Variants in KCNQ1 observed in about 807,000 individuals in gnomAD.
The protein encoded by KCNQ1 is potassium voltage-gated channel subfamily Q member 1, also known as potassium voltage-gated channel subfamily KQT member 1.
A neutral mutation model predicts 72.4 loss-of-function variants in KCNQ1; 49 were observed. The observed-to-expected ratio is 0.68, with a 90% CI of 0.54 to 0.86. The LOEUF is 0.86. KCNQ1 is among the 40% of genes least tolerant of loss of function. The probability of loss-of-function intolerance (pLI) is 0.00; values close to 1 mark genes in which losing one functional copy is unlikely to be tolerated. For synonymous variants in KCNQ1, 450 were observed against 412.6 expected (o/e 1.09, Z -1.10); for missense variants, 790 against 945.1 (o/e 0.84, Z 2.15).
At chr11:2,800,104 G>A (rs530477682) in intron 15 of KCNQ1, among the ~76,000 whole-genome samples, 89 of 152,302 alleles carry the variant, frequency 5.8e-4, no homozygotes, top group Admixed American at 2.2e-3. Flanking sequence ...AGATGCAGAC[G>A]TCCACAGTTC....
chr11:2,497,426 C>T lies in KCNQ1; in HGVS notation c.387-30502C>T, dbSNP rs1478100342. Among the ~76,000 whole-genome samples, 1 of 152,094 alleles carries T rather than the reference C, an allele frequency of 6.6e-6. No individual in the cohort carries two copies. The highest frequency in any genetic ancestry group is 2.4e-5 in the African/African-American group (1 of 41,426). On this transcript the variant is annotated intron_variant, in intron 1 of 15. Transcript: ENST00000155840. The surrounding 1 kb of genome is among the most constrained non-coding windows in gnomAD (Gnocchi z 4.5). ...TTATTTCGTTAAGTTGATCTTCAAT[C>T]TCTGATATCCTTTCTTCCACTTGAT...
Position 2,677,302 on chromosome 11 carries a change from C to A in KCNQ1, c.1514+15221C>A, listed in dbSNP as rs1467340805. ...ATCTTGTCAAAATAGGAGATTTCATCAAGTTAAAGAAAATGATGTCAAATG... is the reference window on the plus strand; with the variant it reads ...ATCTTGTCAAAATAGGAGATTTCATAAAGTTAAAGAAAATGATGTCAAATG... On this transcript the variant is annotated intron_variant, in intron 11 of 15. Transcript: ENST00000155840. This position sits in a 1 kb window ranked among gnomAD's most constrained non-coding sequence, Gnocchi z 4.5. The A allele has an allele frequency of 2.5e-6, 1 of 398,434 alleles. No individual in the cohort carries two copies. Among genetic ancestry groups the A allele is most frequent in the Non-Finnish European group, 4.4e-6 (1 of 226,056 alleles). The allele number at this position is 398,434 out of a possible 1,614,324, so 24.7% of individuals were successfully genotyped here.
chr11:2,577,439 C>T (rs766761192), intron 6 of KCNQ1, among the ~76,000 whole-genome samples: 1 of 152,216 alleles, frequency 6.6e-6, no homozygotes, highest in Non-Finnish European at 1.5e-5. Flanking sequence ...GGCGCTGAGC[C>T]TGGCTGTACC....
At position 2,477,939 on chromosome 11, in the gene KCNQ1, A is replaced by G. The variant is rs1479315042; in HGVS notation, c.386+32455A>G. Among the ~76,000 whole-genome samples the G allele has an allele frequency of 1.3e-5, 2 of 152,186 alleles. No individual in the cohort carries two copies. Among genetic ancestry groups the G allele is most frequent in the East Asian group, 3.8e-4 (2 of 5,198 alleles). The stretch of plus-strand genomic sequence containing the variant: ...AACCCCGTGGCAGGGGCAGGGGTTC[A>G]AAGAGCTGGTGGTTGTAGTCTCAGT... On this transcript the variant is annotated intron_variant, in intron 1 of 15. Coordinates refer to ENST00000155840, the MANE Select transcript of KCNQ1 (RefSeq NM_000218.3). This position sits in a 1 kb window ranked among gnomAD's most constrained non-coding sequence, Gnocchi z 5.0.
chr11:2,519,367 A>G (rs188532248), intron 1 of KCNQ1, among the ~76,000 whole-genome samples: 1 of 152,342 alleles, frequency 6.6e-6, no homozygotes, highest in East Asian at 1.9e-4. Context: ...TTTTTAAAAG[A>G]ATTTTTTCAG....
intron 15 of KCNQ1, chr11:2,840,181 G>A (rs1848177605): frequency 6.8e-6 from 1 of 146,524 alleles, no homozygotes; most frequent in Non-Finnish European, 1.5e-5. Context: ...GTAAAGTAAG[G>A]AAGAGAAAAG....
rs1850151581 is a variant in KCNQ1 at position 2,669,996 on chromosome 11, G to C, written c.1514+7915G>C. On this transcript the variant is annotated intron_variant, in intron 11 of 15. Coordinates refer to ENST00000155840, the MANE Select transcript of KCNQ1 (RefSeq NM_000218.3). The surrounding 1 kb of genome is among the most constrained non-coding windows in gnomAD (Gnocchi z 5.6). The stretch of plus-strand genomic sequence containing the variant: ...AGTCACAACCTCAAATCTCGGAATG[G>C]GGTTCAGGAGCTGTTGGGGTCCCGT... The C allele has an allele frequency of 2.5e-6, 1 of 398,548 alleles. No individual in the cohort carries two copies. Among genetic ancestry groups the C allele is most frequent in the Non-Finnish European group, 4.4e-6 (1 of 226,144 alleles). 24.7% of individuals were successfully genotyped at this position (398,548 alleles called of 1,614,324 possible). A position where few individuals can be genotyped will look rare whatever the true frequency, so the allele number is the denominator to read the frequency against.
intron 12 of KCNQ1, among the ~76,000 whole-genome samples, chr11:2,774,833 T>C (rs1284046579): frequency 6.6e-6 from 1 of 152,128 alleles, no homozygotes; most frequent in Non-Finnish European, 1.5e-5. Context: ...AGGGAGGGCA[T>C]GTTCCCAGAC....
At chr11:2,825,601 T>C (rs1169040504) in intron 15 of KCNQ1, among the ~76,000 whole-genome samples, 1 of 152,244 alleles carries the variant, frequency 6.6e-6, no homozygotes, top group African/African-American at 2.4e-5. Context: ...ATGTCTGCTA[T>C]GTACTAGACT....
chr11:2,824,062 G>A lies in KCNQ1; in HGVS notation c.1795-23705G>A, dbSNP rs563184968. On this transcript the variant is annotated intron_variant, in intron 15 of 15. Coordinates refer to ENST00000155840, the MANE Select transcript of KCNQ1 (RefSeq NM_000218.3). The surrounding 1 kb of genome is among the most constrained non-coding windows in gnomAD (Gnocchi z 5.9). ...CTTGTGCTTATCCATCATATAGCAG[G>A]CCTGCCCTTTCCACAGCACAAACAC... Among the ~76,000 whole-genome samples the A allele has an allele frequency of 6.6e-6, 1 of 152,236 alleles. No homozygotes were observed. The highest frequency in any genetic ancestry group is 2.1e-4 in the South Asian group (1 of 4,826).
At chr11:2,584,583 G>GTGTT (rs965996329) in intron 7 of KCNQ1, among the ~76,000 whole-genome samples, 3 of 151,050 alleles carry the variant, frequency 2.0e-5, no homozygotes, top group African/African-American at 7.4e-5. Context: ...GTGTTTGTGT[G>GTGTT]TGTTTGTGGG....
rs1846733717 is a variant in KCNQ1, at chr11:2,777,652, C to T, written c.1733-324C>T. 5.0e-6 allele frequency: 3 copies of T among 594,068 alleles called. No homozygotes were observed. In the Admixed American group the frequency reaches 9.2e-5, roughly 18 times the overall value. 36.8% of individuals were successfully genotyped at this position (594,068 alleles called of 1,614,324 possible). A position where few individuals can be genotyped will look rare whatever the true frequency, so the allele number is the denominator to read the frequency against. ...CTGTGCCCCCAGCCTGGAGTCAGGC[C>T]TGTGTCGCCCTGGGAGTGGAATGGC... On this transcript the variant is annotated intron_variant, in intron 14 of 15. Transcript: ENST00000155840.
chr11:2,499,712 G>T (rs1183852609), intron 1 of KCNQ1, among the ~76,000 whole-genome samples: 1 of 152,078 alleles, frequency 6.6e-6, no homozygotes, highest in Non-Finnish European at 1.5e-5. Context: ...ACTATAAGAA[G>T]AGACAAAGAA....
rs1847605150 is a variant in KCNQ1 at position 2,815,966 on chromosome 11, A to G, written c.1795-31801A>G. The stretch of plus-strand genomic sequence containing the variant: ...GGGACTTGGGGGACCAGCCAGCTGG[A>G]TATGTTCCCTTGCAGGCGGGCAGGG... On this transcript the variant is annotated intron_variant, in intron 15 of 15. Transcript: ENST00000155840. This position sits in a 1 kb window ranked among gnomAD's most constrained non-coding sequence, Gnocchi z 5.4. Among the ~76,000 whole-genome samples, 1 of 152,074 alleles carries G rather than the reference A, an allele frequency of 6.6e-6. No homozygotes were observed. The highest frequency in any genetic ancestry group is 1.5e-5 in the Non-Finnish European group (1 of 67,992).
At chr11:2,662,182 A>C in intron 11 of KCNQ1, 101 bp downstream of exon 11, 2 of 1,524,868 alleles carry the variant, frequency 1.3e-6, no homozygotes, top group Non-Finnish European at 1.8e-6. Context: ...CCAGAGTGCT[A>C]TCTACTCGCC....
At position 2,687,240 on chromosome 11, in the gene KCNQ1, C is replaced by T. The variant is rs531713545; in HGVS notation, c.1514+25159C>T. The stretch of plus-strand genomic sequence containing the variant: ...AAATGTGCAATTTTCACTCAGCCAG[C>T]ATCACTACCAGCTCCGGGCTTCTCT... On this transcript the variant is annotated intron_variant, in intron 11 of 15. Coordinates refer to ENST00000155840, the MANE Select transcript of KCNQ1 (RefSeq NM_000218.3). This position sits in a 1 kb window ranked among gnomAD's most constrained non-coding sequence, Gnocchi z 5.0. 5 of 398,680 alleles carry T rather than the reference C, an allele frequency of 1.3e-5. No individual in the cohort carries two copies. Among genetic ancestry groups the T allele is most frequent in the African/African-American group, 6.2e-5 (3 of 48,762 alleles). 24.7% of individuals were successfully genotyped at this position (398,680 alleles called of 1,614,324 possible).
At chr11:2,528,105 G>C (rs1226267858) in intron 2 of KCNQ1, 87 bp downstream of exon 2, 7 of 795,814 alleles carry the variant, frequency 8.8e-6, no homozygotes, top group Non-Finnish European at 1.4e-5. Flanking sequence ...AAGGTGGGGG[G>C]CAGAGCCACT....
At chr11:2,747,867 G>T (rs1464154136) in intron 11 of KCNQ1, among the ~76,000 whole-genome samples, 1 of 152,072 alleles carries the variant, frequency 6.6e-6, no homozygotes, top group Non-Finnish European at 1.5e-5. Context: ...CCAGCCTCAG[G>T]AGCCAGGAAC....
In KCNQ1 at chr11:2,588,299, G is replaced by A. The variant is rs1368461001; in HGVS notation, c.1252-414G>A. 1.3e-5 allele frequency among the ~76,000 whole-genome samples: 2 copies of A among 152,116 alleles called. No individual in the cohort carries two copies. The highest frequency in any genetic ancestry group is 4.8e-5 in the African/African-American group (2 of 41,388). ...GGAGCCTCCGTGCCTACTGTTCCCT[G>A]TGCTGGAATGTTCCCCCAGATTTCC... On this transcript the variant is annotated intron_variant, in intron 9 of 15. Transcript: ENST00000155840. The surrounding 1 kb of genome is among the most constrained non-coding windows in gnomAD (Gnocchi z 5.6).
Sources: gnomAD v4.1 joint callset for allele counts (sites outside exome capture counted in the v4.1 genomes callset) on GRCh38, gnomAD v4.1.1 for gene constraint, Gnocchi (gnomAD v3.1) non-coding constraint, MANE v1.5 for transcripts, NCBI Gene and HGNC (gene_info 2026-07-23, HGNC 2026-07-21) for gene names.